USP40: variants seen among roughly 807,000 people sequenced by gnomAD.
USP40 encodes ubiquitin specific peptidase 40, also known as ubiquitin carboxyl-terminal hydrolase 40.
In USP40, 143 loss-of-function variants were observed where a neutral mutation model predicts 166.2. The observed-to-expected ratio is 0.86, with a 90% CI of 0.75 to 0.99. USP40 has a LOEUF of 0.99. Among genes scored for constraint, USP40 ranks in the 50% least tolerant of loss-of-function variants. The pLI is 0.00. For synonymous variants in USP40, 498 were observed against 524.0 expected (o/e 0.95, Z 0.68); for missense variants, 1,444 against 1,479.7 (o/e 0.98, Z 0.40).
At position 233,493,723 on chromosome 2, in the gene USP40, T is replaced by C. The variant is rs546523128; in HGVS notation, c.2791-172A>G. Among the ~76,000 whole-genome samples, 11 of 152,372 alleles carry C rather than the reference T, an allele frequency of 7.2e-5. No homozygotes were observed. The South Asian group carries it at 2.3e-3, about 32-fold the overall frequency. ...ATACTTGTTTTTACAATCAAAAATT[T>C]AAAATCATAAAAATCAGACTTTGGG... On this transcript the variant is annotated intron_variant, in intron 24 of 31. Transcript: ENST00000678225. This position sits in a 1 kb window ranked among gnomAD's most constrained non-coding sequence, Gnocchi z 4.7.
intron 21 of USP40, among the ~76,000 whole-genome samples, chr2:233,506,633 G>A (rs984813475): frequency 6.6e-6 from 1 of 151,114 alleles, no homozygotes; most frequent in Non-Finnish European, 1.5e-5. Context: ...GGTTGCTCAC[G>A]CCTGTAATAC....
Position 233,554,495 on chromosome 2 carries a change from T to C in USP40, c.578A>G (p.Lys193Arg). 6 of 1,611,836 alleles carry C rather than the reference T, an allele frequency of 3.7e-6. No homozygotes were observed. Among genetic ancestry groups the C allele is most frequent in the Non-Finnish European group, 5.1e-6 (6 of 1,179,236 alleles). The change falls in exon 6 of 32, where the codon AAA becomes AGA. Residue 193 changes from lysine to arginine, a missense_variant. Physicochemically the swap from Lys to Arg is conservative, Grantham distance 26. Coordinates refer to ENST00000678225, the MANE Select transcript of USP40 (RefSeq NM_001365479.2). Reference protein sequence around the residue: ...EDFLDLTVAVKNVSGLEDALW... With the variant: ...EDFLDLTVAVRNVSGLEDALW... The stretch of plus-strand genomic sequence containing the variant: ...AGCATCTTCCAAACCGGATACATTT[T>C]TGACTGCTACTGTTAGATCTAAGAA...
chr2:233,488,396 CA>C, intron 27 of USP40, 92 bp from the exon 28 acceptor site: 3 of 1,246,012 alleles, frequency 2.4e-6, no homozygotes, highest in Middle Eastern at 2.0e-4. Context: ...TTTTCTTAAG[CA>C]AAGAATTGTT....
Position 233,510,119 on chromosome 2 carries a change from GC to G in USP40, c.2542del (p.Ala848GlnfsTer15), listed in dbSNP as rs766617483. ...CCCAGGTTGAACGTCACTCCCCATT[GC>G]AAAAAACAGGAACAACTAATAACAA... ...PSSSQLFLFF[A>X]MGSDVQPGTE... On this transcript the variant is annotated frameshift_variant, in exon 21 of 32. Transcript: ENST00000678225. LOFTEE classifies it high-confidence loss of function. 17 of 1,601,342 alleles carry G rather than the reference GC, an allele frequency of 1.1e-5. No individual in the cohort carries two copies. In the South Asian group the frequency reaches 1.9e-4, roughly 18 times the overall value.
chr2:233,508,589 T>C (rs1185242740), intron 21 of USP40, among the ~76,000 whole-genome samples: 1 of 152,192 alleles, frequency 6.6e-6, no homozygotes, highest in Non-Finnish European at 1.5e-5. Context: ...TTGCTCTTTT[T>C]TGGGGCTAGC....
rs1464699853 is a variant in USP40 at position 233,480,186 on chromosome 2, A to G, written c.3599+1017T>C. On this transcript the variant is annotated intron_variant, in intron 31 of 31. Transcript: ENST00000678225. The surrounding 1 kb of genome is among the most constrained non-coding windows in gnomAD (Gnocchi z 4.5). ...ACGCCCCCAGTGGCAGAGGGCATGC[A>G]GTCCCTGGCACACGGGCAGCCAAGA... Among the ~76,000 whole-genome samples the G allele has an allele frequency of 2.0e-5, 3 of 152,322 alleles. No homozygotes were observed. The East Asian group carries it at 5.8e-4, about 29-fold the overall frequency.
chr2:233,492,593 A>T (rs926652741), intron 25 of USP40: 6 of 152,214 alleles, frequency 3.9e-5, no homozygotes, highest in Non-Finnish European at 8.8e-5. Flanking sequence ...ACTTTATGCC[A>T]ATTTTATAGC....
chr2:233,560,923 T>C (rs947348911), intron 3 of USP40: 28 of 667,138 alleles, frequency 4.2e-5, no homozygotes, highest in South Asian at 3.4e-4. Flanking sequence ...AGAATAAGCA[T>C]AGTAAAGAGT....
chr2:233,494,037 T>C lies in USP40; in HGVS notation c.2791-486A>G, dbSNP rs540066024. ...ATTTAGCTAGTTCTTCCCACCTCAT[T>C]TTTTGTTAGTGAAGAATTTTAACAG... On this transcript the variant is annotated intron_variant, in intron 24 of 31. Coordinates refer to ENST00000678225, the MANE Select transcript of USP40 (RefSeq NM_001365479.2). Among the ~76,000 whole-genome samples the C allele has an allele frequency of 2.0e-5, 3 of 152,338 alleles. No individual in the cohort carries two copies. In the South Asian group the frequency reaches 6.2e-4, roughly 32 times the overall value.
chr2:233,560,380 T>C (rs1022623911), intron 3 of USP40, among the ~76,000 whole-genome samples: 2 of 152,164 alleles, frequency 1.3e-5, no homozygotes, highest in African/African-American at 4.8e-5. Context: ...CCTTACTTGA[T>C]GTGGTGAGGG....
At chr2:233,540,924 GTTTTTTAA>G (rs2069350461) in intron 9 of USP40, among the ~76,000 whole-genome samples, 155 bp from the exon 10 acceptor site, 1 of 152,146 alleles carries the variant, frequency 6.6e-6, no homozygotes, top group South Asian at 2.1e-4. Context: ...ATTATAAAAA[GTTTTTTAA>G]AAACTGGTTA....
At chr2:233,505,849 G>A (rs1448430279) in intron 21 of USP40, among the ~76,000 whole-genome samples, 1 of 152,040 alleles carries the variant, frequency 6.6e-6, no homozygotes, top group African/African-American at 2.4e-5. Flanking sequence ...AAGACCAGAT[G>A]TAGATTCAAC....
At chr2:233,565,237 T>C in intron 2 of USP40, 119 bp downstream of exon 2, 1 of 813,192 alleles carries the variant, frequency 1.2e-6, no homozygotes, top group Non-Finnish European at 1.9e-6. Flanking sequence ...TGTGCAACAA[T>C]AAACACATAC....
In USP40 at chr2:233,549,203, T is replaced by C. The variant is rs377252042; in HGVS notation, c.864A>G (p.Ile288Met). ...EQSELDDLEY[I>M]YDLFSVIIHK... is the part of the protein sequence containing the mutation. ...GTATAATAACTGAGAAGAGGTCATA[T>C]ATATATTCTAAGTCATCCAATTCAC... Residue 288 changes from isoleucine to methionine, a missense_variant, in exon 8 of 32, where the codon ATA (isoleucine) becomes ATG (methionine). By Grantham distance (10) the Ile-to-Met change is conservative. Transcript: ENST00000678225. 2 of 1,497,524 alleles carry C rather than the reference T, an allele frequency of 1.3e-6. No homozygotes were observed. Among genetic ancestry groups the C allele is most frequent in the East Asian group, 4.6e-5 (2 of 43,306 alleles). 92.8% of individuals were successfully genotyped at this position (1,497,524 alleles called of 1,614,324 possible).
intron 18 of USP40, among the ~76,000 whole-genome samples, chr2:233,517,518 G>A (rs2067308636): frequency 6.6e-6 from 1 of 151,920 alleles, no homozygotes; most frequent in Non-Finnish European, 1.5e-5. Flanking sequence ...CCCAGTAGCT[G>A]GAACTACAGG....
At position 233,554,412 on chromosome 2, in the gene USP40, C is replaced by T; in HGVS notation, c.661G>A (p.Gly221Arg). 6.2e-7 allele frequency: 1 copy of T among 1,612,574 alleles called. No homozygotes were observed. Among genetic ancestry groups the T allele is most frequent in the Non-Finnish European group, 8.5e-7 (1 of 1,179,418 alleles). The change falls in exon 6 of 32, where the codon GGA (glycine) becomes AGA (arginine). Residue 221 changes from glycine to arginine, a missense_variant. Physicochemically the swap from Gly to Arg is moderately radical, Grantham distance 125. Coordinates refer to ENST00000678225, the MANE Select transcript of USP40 (RefSeq NM_001365479.2). ...VFDCDNLYHC[G>R]TCDRLVKAAK... ...GCTTTAACCAGCCTGTCACAAGTTC[C>T]ACAGTGGTACAAGTTGTCACAATCA...
chr2:233,525,185 A>G (rs1425056388), intron 14 of USP40, among the ~76,000 whole-genome samples: 2 of 152,244 alleles, frequency 1.3e-5, no homozygotes, highest in Admixed American at 6.5e-5. Flanking sequence ...GTTCAACAAT[A>G]TGTGTCAATA....
intron 18 of USP40, among the ~76,000 whole-genome samples, chr2:233,519,056 GA>G (rs1477376022): frequency 6.6e-6 from 1 of 152,124 alleles, no homozygotes; most frequent in Non-Finnish European, 1.5e-5. Context: ...TAAACATTAA[GA>G]AAATAAAGTC....
intron 10 of USP40, among the ~76,000 whole-genome samples, chr2:233,536,408 C>A (rs947090238): frequency 1.3e-5 from 2 of 151,962 alleles, no homozygotes; most frequent in South Asian, 4.2e-4. Context: ...TGGAAATTGT[C>A]CAAATTGAAG....
Sources: gnomAD v4.1 joint callset for allele counts (sites outside exome capture counted in the v4.1 genomes callset) on GRCh38, gnomAD v4.1.1 for gene constraint, Gnocchi (gnomAD v3.1) non-coding constraint, MANE v1.5 for transcripts, NCBI Gene and HGNC (gene_info 2026-07-23, HGNC 2026-07-21) for gene names.